The following TMCC1 variants were observed in gnomAD, a reference collection of about 807,000 sequenced individuals.
TMCC1 encodes transmembrane and coiled-coil domain family 1.
TMCC1 carries 15 observed loss-of-function variants against 52.4 expected under a neutral mutation model. The ratio of observed to expected loss-of-function variants is 0.29; its 90% CI spans 0.19 to 0.44. The LOEUF (loss-of-function observed/expected upper bound fraction) is 0.44. TMCC1 is among the 20% of genes least tolerant of loss of function. TMCC1 has a pLI of 1.00. For missense variants in TMCC1, 503 were observed against 806.0 expected (o/e 0.62, Z 4.55); for synonymous variants, 279 against 301.9 (o/e 0.92, Z 0.79).
intron 4 of TMCC1, among the ~76,000 whole-genome samples, chr3:129,728,957 C>T (rs2050330032): frequency 6.6e-6 from 1 of 152,076 alleles, no homozygotes; most frequent in Admixed American, 6.6e-5. Flanking sequence ...ACAGTTTATC[C>T]ATTCACCTGT....
intron 4 of TMCC1, chr3:129,688,120 A>C: frequency 8.8e-5 from 83 of 947,044 alleles, no homozygotes; most frequent in Non-Finnish European, 9.9e-5. Flanking sequence ...GCAATTCCAT[A>C]CAGCTGATAT....
chr3:129,801,570 T>G (rs534694441), intron 4 of TMCC1, among the ~76,000 whole-genome samples: 1 of 152,172 alleles, frequency 6.6e-6, no homozygotes, highest in African/African-American at 2.4e-5. Context: ...AAAGCAATTC[T>G]CCTGCTTCAG....
chr3:129,731,558 A>T (rs2107615739), intron 4 of TMCC1, among the ~76,000 whole-genome samples: 1 of 152,344 alleles, frequency 6.6e-6, no homozygotes, highest in Non-Finnish European at 1.5e-5. Context: ...AGTCTGGGTG[A>T]CAGAGTGAGA....
intron 4 of TMCC1, among the ~76,000 whole-genome samples, chr3:129,785,778 A>G (rs552394634): frequency 4.4e-4 from 67 of 152,250 alleles, no homozygotes; most frequent in African/African-American, 1.4e-3. Flanking sequence ...TACTTAGAAG[A>G]GAGTTTCCTA....
chr3:129,857,785 G>A (rs972601969), intron 2 of TMCC1, among the ~76,000 whole-genome samples: 2 of 151,926 alleles, frequency 1.3e-5, no homozygotes, highest in African/African-American at 4.8e-5. Flanking sequence ...GGATGGTCTC[G>A]ATCTCCTGAT....
rs1453906000 is a variant in TMCC1 at position 129,648,778 on chromosome 3, TGACAA to T, written c.*2698_*2702del. 1 of 151,852 alleles carries T rather than the reference TGACAA, an allele frequency of 6.6e-6. No homozygotes were observed. The highest frequency in any genetic ancestry group is 1.5e-5 in the Non-Finnish European group (1 of 67,970). The allele number at this position is 151,852 out of a possible 1,614,324, so 9.4% of individuals were successfully genotyped here. On this transcript the variant is annotated 3_prime_UTR_variant, in exon 7 of 7. Transcript: ENST00000393238. ...TTAGAGCGAGGTTATAGAAGAGCTC[TGACAA>T]GACAAAAGAACCCAAGAACAACCAC...
At chr3:129,734,448 G>A (rs1257878075) in intron 4 of TMCC1, among the ~76,000 whole-genome samples, 1 of 152,114 alleles carries the variant, frequency 6.6e-6, no homozygotes, top group African/African-American at 2.4e-5. Context: ...TTATTTGAGA[G>A]GCTGAGGTGG....
rs775705464 is a variant in TMCC1, at chr3:129,828,218, T to C, written c.161A>G (p.His54Arg). The change falls in exon 4 of 7, where the codon CAT becomes CGT. Residue 54 changes from histidine to arginine, a missense_variant. Coordinates refer to ENST00000393238, the MANE Select transcript of TMCC1 (RefSeq NM_001017395.5). The surrounding 1 kb of genome is among the most constrained non-coding windows in gnomAD (Gnocchi z 4.1). ...CCTCCTGCGCTGGTGCTGGAAGAGA[T>C]GCTTCAAGCCTTGGCCAATCACGTT... Reference protein sequence around the residue: ...NINVIGQGLKHLFQHQRRRSS... With the variant: ...NINVIGQGLKRLFQHQRRRSS... 1 of 1,614,178 alleles carries C rather than the reference T, an allele frequency of 6.2e-7. No individual in the cohort carries two copies. Among genetic ancestry groups the C allele is most frequent in the Non-Finnish European group, 8.5e-7 (1 of 1,180,034 alleles).
intron 2 of TMCC1, among the ~76,000 whole-genome samples, chr3:129,871,545 C>T (rs11713332): frequency 0.012 from 1,891 of 152,038 alleles, 21 homozygotes; most frequent in Middle Eastern, 0.051. Flanking sequence ...TACCATTATT[C>T]GAGATCTCAA....
At chr3:129,693,899 T>C (rs1273558744) in intron 4 of TMCC1, among the ~76,000 whole-genome samples, 2 of 152,192 alleles carry the variant, frequency 1.3e-5, no homozygotes, top group Non-Finnish European at 2.9e-5. Context: ...CAAGATATAA[T>C]TGGATTTTGT....
intron 4 of TMCC1, among the ~76,000 whole-genome samples, chr3:129,820,914 T>G (rs1267090784): frequency 6.6e-6 from 1 of 152,214 alleles, no homozygotes; most frequent in African/African-American, 2.4e-5. Flanking sequence ...AGGTGGCGAC[T>G]TCCAGCAATT....
chr3:129,740,905 T>C (rs1397205668), intron 4 of TMCC1, among the ~76,000 whole-genome samples: 1 of 152,194 alleles, frequency 6.6e-6, no homozygotes, highest in Non-Finnish European at 1.5e-5. Flanking sequence ...CTGGTACTTA[T>C]AAGTTAATCA....
chr3:129,700,098 G>A (rs6439193), intron 4 of TMCC1, among the ~76,000 whole-genome samples: 131,801 of 152,166 alleles, frequency 0.87, 57,779 homozygotes, highest in East Asian at 1. Context: ...ATTTATGGTC[G>A]GGTACTGTGG....
intron 2 of TMCC1, among the ~76,000 whole-genome samples, chr3:129,838,278 T>C (rs1269247332): frequency 6.6e-6 from 1 of 151,932 alleles, no homozygotes; most frequent in East Asian, 1.9e-4. Context: ...TGATGGCACA[T>C]GCCTGTGGTC....
chr3:129,707,376 T>C (rs1342674598), intron 4 of TMCC1, among the ~76,000 whole-genome samples: 5 of 152,182 alleles, frequency 3.3e-5, no homozygotes, highest in Non-Finnish European at 7.4e-5. Context: ...CATGGTTAAA[T>C]TTATTAGAAA....
At chr3:129,886,074 C>CA (rs1318525523) in intron 1 of TMCC1, among the ~76,000 whole-genome samples, 14 of 152,130 alleles carry the variant, frequency 9.2e-5, no homozygotes, top group African/African-American at 3.4e-4. Flanking sequence ...TTCATACACT[C>CA]AGAGACTGCT....
chr3:129,775,442 G>A (rs976423073), intron 4 of TMCC1, among the ~76,000 whole-genome samples: 2 of 152,098 alleles, frequency 1.3e-5, no homozygotes, highest in African/African-American at 4.8e-5. Context: ...ACTCCAACCT[G>A]GGTGACAGGG....
chr3:129,663,617 A>G (rs1267250639), intron 5 of TMCC1, among the ~76,000 whole-genome samples: 1 of 152,212 alleles, frequency 6.6e-6, no homozygotes. Context: ...AGGGAAAAAG[A>G]TATCAGTCCC....
intron 4 of TMCC1, among the ~76,000 whole-genome samples, chr3:129,795,062 G>A (rs528891479): frequency 6.6e-6 from 1 of 152,300 alleles, no homozygotes; most frequent in East Asian, 1.9e-4. Flanking sequence ...TCACAGGGAG[G>A]GGTCCTGCCT....
Sources: allele counts gnomAD v4.1 joint callset (sites outside exome capture counted in the v4.1 genomes callset), GRCh38; gene constraint gnomAD v4.1.1; non-coding constraint Gnocchi (gnomAD v3.1); transcripts MANE v1.5; gene names NCBI Gene and HGNC (gene_info 2026-07-23, HGNC 2026-07-21).